The following GLDC variants were observed in gnomAD, a reference collection of about 807,000 sequenced individuals.
GLDC encodes the protein glycine decarboxylase.
A neutral mutation model predicts 121.3 loss-of-function variants in GLDC; 104 were observed. The observed-to-expected ratio is 0.86, with a 90% CI of 0.73 to 1.01. The LOEUF is 1.01. Among genes scored for constraint, GLDC ranks in the 50% least tolerant of loss-of-function variants. The probability of loss-of-function intolerance (pLI) is 0.00; values close to 1 mark genes in which losing one functional copy is unlikely to be tolerated. For missense variants in GLDC, 1,429 were observed against 1,306.6 expected (o/e 1.09, Z -1.44); for synonymous variants, 546 against 480.6 (o/e 1.14, Z -1.78).
intron 15 of GLDC, among the ~76,000 whole-genome samples, chr9:6,572,718 C>T (rs560054626): frequency 9.4e-4 from 143 of 152,334 alleles, no homozygotes; most frequent in Non-Finnish European, 1.9e-3. Flanking sequence ...TGCTGCCAGC[C>T]TTTCTTGGGT....
chr9:6,571,213 A>ATGGCAAGGCT (rs1372139411), intron 15 of GLDC, among the ~76,000 whole-genome samples: 1 of 152,114 alleles, frequency 6.6e-6, no homozygotes, highest in Non-Finnish European at 1.5e-5. Flanking sequence ...AGTTCATCTG[A>ATGGCAAGGCT]TGGCAAGGCT....
rs149202869 is a variant in GLDC at position 6,625,068 on chromosome 9, G to C, written c.335-4749C>G. On this transcript the variant is annotated intron_variant, in intron 2 of 24. Coordinates refer to ENST00000321612, the MANE Select transcript of GLDC (RefSeq NM_000170.3). Reference sequence around the variant, plus strand: ...CCCACACATCATTAAGATTCTACTAGTGGAAGTAATCGACCCCAATAGCAT... The same window carrying C: ...CCCACACATCATTAAGATTCTACTACTGGAAGTAATCGACCCCAATAGCAT... Among the ~76,000 whole-genome samples, 648 of 151,936 alleles carry C rather than the reference G, an allele frequency of 4.3e-3. 1 individual carries two copies. Among genetic ancestry groups the C allele is most frequent in the African/African-American group, 0.014 (598 of 41,442 alleles).
intron 21 of GLDC, chr9:6,541,128 G>C (rs1048720151): frequency 6.6e-6 from 1 of 152,158 alleles, no homozygotes; most frequent in African/African-American, 2.4e-5. Context: ...AAAAGTTTTA[G>C]ATTTTCAGAT....
At chr9:6,632,674 C>T (rs577293493) in intron 2 of GLDC, among the ~76,000 whole-genome samples, 3 of 152,348 alleles carry the variant, frequency 2.0e-5, no homozygotes, top group East Asian at 1.9e-4. Context: ...CTCTAGCACG[C>T]GCCCCGGTTC....
chr9:6,604,582 C>CT lies in GLDC; in HGVS notation c.1058+5dup. The CT allele has an allele frequency of 6.2e-7, 1 of 1,609,744 alleles. No individual in the cohort carries two copies. The highest frequency in any genetic ancestry group is 8.5e-7 in the Non-Finnish European group (1 of 1,177,692). On this transcript the variant is annotated splice_donor_region_variant and intron_variant, in intron 7 of 24. Coordinates refer to ENST00000321612, the MANE Select transcript of GLDC (RefSeq NM_000170.3). ...AATAAAAGTAGAGAAACATGAGCCCCTTTACCTTGTTACCCCCACCATTCT... is the reference window on the plus strand; with the variant it reads ...AATAAAAGTAGAGAAACATGAGCCCCTTTTACCTTGTTACCCCCACCATTCT...
chr9:6,592,300 G>C, intron 10 of GLDC, 77 bp from the exon 11 acceptor site: 1 of 888,134 alleles, frequency 1.1e-6, no homozygotes, highest in East Asian at 2.4e-5. Context: ...AGAGGTCAAA[G>C]GGGAGACAGT....
At chr9:6,535,901 C>T (rs572732325) in intron 23 of GLDC, 163 bp downstream of exon 23, 11 of 690,648 alleles carry the variant, frequency 1.6e-5, no homozygotes, top group Admixed American at 6.2e-5. Context: ...CTGTTCAAGA[C>T]GATGGAAACT....
At chr9:6,631,166 C>T (rs1819369756) in intron 2 of GLDC, among the ~76,000 whole-genome samples, 1 of 152,222 alleles carries the variant, frequency 6.6e-6, no homozygotes, top group African/African-American at 2.4e-5. Context: ...GCCTGCCAGG[C>T]TCTTCCCTGT....
At chr9:6,614,362 G>T (rs1818926729) in intron 3 of GLDC, among the ~76,000 whole-genome samples, 1 of 151,496 alleles carries the variant, frequency 6.6e-6, no homozygotes, top group African/African-American at 2.4e-5. Flanking sequence ...AACCTCCCGA[G>T]TGGCTGGGAC....
At chr9:6,630,346 G>A (rs866319032) in intron 2 of GLDC, among the ~76,000 whole-genome samples, 2 of 152,094 alleles carry the variant, frequency 1.3e-5, no homozygotes, top group Non-Finnish European at 2.9e-5. Context: ...GGGTACATGG[G>A]TGTACATCCC....
At chr9:6,561,661 T>C (rs1017262895) in intron 16 of GLDC, among the ~76,000 whole-genome samples, 2 of 146,414 alleles carry the variant, frequency 1.4e-5, no homozygotes, top group Non-Finnish European at 3.0e-5. Context: ...GGGAAAAAAA[T>C]TGTATTGTTG....
chr9:6,628,279 G>C (rs1018348771), intron 2 of GLDC, among the ~76,000 whole-genome samples: 81 of 152,194 alleles, frequency 5.3e-4, no homozygotes, highest in African/African-American at 1.8e-3. Flanking sequence ...AGGTGATTGT[G>C]CCATCCAAAC....
intron 21 of GLDC, among the ~76,000 whole-genome samples, chr9:6,548,522 G>A (rs1817443630): frequency 6.6e-6 from 1 of 152,080 alleles, no homozygotes; most frequent in South Asian, 2.1e-4. Context: ...CTGGTTATTT[G>A]GTCCTATTCT....
chr9:6,542,629 T>A (rs1380593478), intron 21 of GLDC, among the ~76,000 whole-genome samples: 1 of 151,444 alleles, frequency 6.6e-6, no homozygotes, highest in Non-Finnish European at 1.5e-5. Context: ...CTCACACTTG[T>A]AATCCCAGCA....
At chr9:6,570,300 G>A (rs781068098) in intron 15 of GLDC, among the ~76,000 whole-genome samples, 5 of 152,096 alleles carry the variant, frequency 3.3e-5, no homozygotes, top group Admixed American at 6.5e-5. Flanking sequence ...AAAAGACCAC[G>A]CTGTGGATTC....
intron 1 of GLDC, 81 bp downstream of exon 1, chr9:6,645,164 G>C (rs1425227839): frequency 5.1e-6 from 7 of 1,376,352 alleles, no homozygotes; most frequent in Non-Finnish European, 5.9e-6. Context: ...GCAGAGCTCA[G>C]GGTAGGAGCC....
chr9:6,575,470 T>C (rs962896179), intron 15 of GLDC, among the ~76,000 whole-genome samples: 3 of 152,210 alleles, frequency 2.0e-5, no homozygotes, highest in Admixed American at 2.0e-4. Context: ...ACTCCAGACT[T>C]ACTGAATCAG....
intron 2 of GLDC, 118 bp from the exon 3 acceptor site, chr9:6,620,437 TA>T (rs1819068104): frequency 1.1e-6 from 1 of 891,178 alleles, no homozygotes; most frequent in East Asian, 2.5e-5. Flanking sequence ...ATGGAAAATG[TA>T]AGAGTCATCC....
At chr9:6,560,981 C>T (rs73396341) in intron 16 of GLDC, among the ~76,000 whole-genome samples, 7,515 of 152,226 alleles carry the variant, frequency 0.049, 608 homozygotes, top group African/African-American at 0.17. Context: ...AAGCAGGAAG[C>T]TCGAGCCAAG....
Sources: gnomAD v4.1 joint callset for allele counts (sites outside exome capture counted in the v4.1 genomes callset) on GRCh38, gnomAD v4.1.1 for gene constraint, MANE v1.5 for transcripts, NCBI Gene and HGNC (gene_info 2026-07-23, HGNC 2026-07-21) for gene names.